The following STAT1 variants were observed in gnomAD, a reference collection of about 807,000 sequenced individuals.
STAT1 encodes signal transducer and activator of transcription 1, also known as signal transducer and activator of transcription 1-alpha/beta.
A neutral mutation model predicts 111.7 loss-of-function variants in STAT1; 24 were observed. The ratio of observed to expected loss-of-function variants is 0.21; its 90% confidence interval spans 0.16 to 0.30. The LOEUF (loss-of-function observed/expected upper bound fraction) is 0.30, where lower values mean the gene tolerates loss of function less well. STAT1 is among the 10% of genes least tolerant of loss of function. The pLI is 1.00. For synonymous variants in STAT1, 332 were observed against 326.5 expected (o/e 1.02, Z -0.18); for missense variants, 351 against 911.9 (o/e 0.38, Z 7.92).
At position 190,982,257 on chromosome 2, in the gene STAT1, T is replaced by G; in HGVS notation, c.1582+126A>C. The G allele has an allele frequency of 8.9e-7, 1 of 1,126,164 alleles. No homozygotes were observed. Among genetic ancestry groups the G allele is most frequent in the Non-Finnish European group, 1.3e-6 (1 of 750,992 alleles). The allele number at this position is 1,126,164 out of a possible 1,614,324, so 69.8% of individuals were successfully genotyped here. On this transcript the variant is annotated intron_variant, in intron 18 of 24. Transcript: ENST00000361099. This position sits in a 1 kb window ranked among gnomAD's most constrained non-coding sequence, Gnocchi z 7.3. ...TCACTTAGCTATAATAAACTATAGCTTGAAAAGCTGACAGATTTTAGTACT... is the reference window on the plus strand; with the variant it reads ...TCACTTAGCTATAATAAACTATAGCGTGAAAAGCTGACAGATTTTAGTACT...
At position 190,998,405 on chromosome 2, in the gene STAT1, G is replaced by T; in HGVS notation, c.542-97C>A. ...TTAGGATAAATATGACACAAATGCT[G>T]CCTAGTGACAGGTCAAAGTTTGGCT... On this transcript the variant is annotated intron_variant, in intron 7 of 24. Coordinates refer to ENST00000361099, the MANE Select transcript of STAT1 (RefSeq NM_007315.4). The surrounding 1 kb of genome is among the most constrained non-coding windows in gnomAD (Gnocchi z 4.1). 2 of 1,008,662 alleles carry T rather than the reference G, an allele frequency of 2.0e-6. No homozygotes were observed. The highest frequency in any genetic ancestry group is 2.4e-5 in the East Asian group (1 of 41,794). 62.5% of individuals were successfully genotyped at this position (1,008,662 alleles called of 1,614,324 possible).
rs1694582491 is a variant in STAT1, at chr2:191,005,132, GAACT to G, written c.372+2427_372+2430del. On this transcript the variant is annotated intron_variant, in intron 5 of 24. Coordinates refer to ENST00000361099, the MANE Select transcript of STAT1 (RefSeq NM_007315.4). ...GAATTTTGTGGTCTCTAAATGATCT[GAACT>G]AACTCGGAATTTTGCATGTTTTTAA... 2.6e-5 allele frequency among the ~76,000 whole-genome samples: 4 copies of G among 152,226 alleles called. 1 individual carries two copies. The highest frequency in any genetic ancestry group is 4.1e-4 in the South Asian group (2 of 4,820).
At position 191,007,779 on chromosome 2, in the gene STAT1, T is replaced by G. The variant is rs1694818089; in HGVS notation, c.274-118A>C. 1 of 744,920 alleles carries G rather than the reference T, an allele frequency of 1.3e-6. No individual in the cohort carries two copies. Among genetic ancestry groups the G allele is most frequent in the Non-Finnish European group, 2.3e-6 (1 of 431,112 alleles). 46.1% of individuals were successfully genotyped at this position (744,920 alleles called of 1,614,324 possible). A position where few individuals can be genotyped will look rare whatever the true frequency, so the allele number is the denominator to read the frequency against. ...CCGGGAAACCTCATCTCTCATCTATTAAATTCTATATAAGCTATGTTTGTT... is the reference window on the plus strand; with the variant it reads ...CCGGGAAACCTCATCTCTCATCTATGAAATTCTATATAAGCTATGTTTGTT... On this transcript the variant is annotated intron_variant, in intron 4 of 24. Coordinates refer to ENST00000361099, the MANE Select transcript of STAT1 (RefSeq NM_007315.4). The surrounding 1 kb of genome is among the most constrained non-coding windows in gnomAD (Gnocchi z 4.2).
chr2:191,008,850 A>G, intron 4 of STAT1, 113 bp downstream of exon 4: 2 of 1,148,830 alleles, frequency 1.7e-6, no homozygotes, highest in East Asian at 2.6e-5. Context: ...GTTAGTCTCT[A>G]TTACTTCTCT....
rs45527832 is a variant in STAT1, at chr2:190,987,081, T to C, written c.1098-13A>G. On this transcript the variant is annotated splice_polypyrimidine_tract_variant and intron_variant, in intron 12 of 24. Transcript: ENST00000361099. This position sits in a 1 kb window ranked among gnomAD's most constrained non-coding sequence, Gnocchi z 4.0. The stretch of plus-strand genomic sequence containing the variant: ...CTCATTCACATCTCTGCAAAAAAAA[T>C]ATATATAATCACATATGCGTATTTA... 1 of 1,586,878 alleles carries C rather than the reference T, an allele frequency of 6.3e-7. No individual in the cohort carries two copies. The highest frequency in any genetic ancestry group is 8.6e-7 in the Non-Finnish European group (1 of 1,157,048).
At chr2:190,985,430 T>A (rs1692727536) in intron 15 of STAT1, among the ~76,000 whole-genome samples, 189 bp downstream of exon 15, 1 of 152,250 alleles carries the variant, frequency 6.6e-6, no homozygotes, top group Non-Finnish European at 1.5e-5. Flanking sequence ...CAAAATCGTT[T>A]GACAATAGTA....
Position 190,994,940 on chromosome 2 carries a change from A to G in STAT1, c.944+121T>C, listed in dbSNP as rs1301113268. ...AAAAAAAAAAAAAATATATATATAT[A>G]TATATATATATATATATAAAAAACA... On this transcript the variant is annotated intron_variant, in intron 10 of 24. Transcript: ENST00000361099. 4.4e-5 allele frequency: 9 copies of G among 202,908 alleles called. 2 individuals carry two copies. The highest frequency in any genetic ancestry group is 7.0e-5 in the Non-Finnish European group (8 of 114,712). The allele number at this position is 202,908 out of a possible 1,614,324, so 12.6% of individuals were successfully genotyped here. A position where few individuals can be genotyped will look rare whatever the true frequency, so the allele number is the denominator to read the frequency against.
In STAT1 at chr2:191,012,782, G is replaced by C. The variant is rs1695237658; in HGVS notation, c.-2+743C>G. ...TTTTTCAACTGTGCCCAACATTTCT[G>C]CTTTGCTCCAGCTACTCGCCCTTGG... On this transcript the variant is annotated intron_variant, in intron 2 of 24. Transcript: ENST00000361099. The surrounding 1 kb of genome is among the most constrained non-coding windows in gnomAD (Gnocchi z 4.0). Among the ~76,000 whole-genome samples the C allele has an allele frequency of 6.6e-6, 1 of 152,180 alleles. No homozygotes were observed. Among genetic ancestry groups the C allele is most frequent in the Non-Finnish European group, 1.5e-5 (1 of 68,042 alleles).
intron 2 of STAT1, among the ~76,000 whole-genome samples, chr2:191,013,102 T>C (rs533019673): frequency 2.0e-5 from 3 of 152,218 alleles, no homozygotes; most frequent in Non-Finnish European, 4.4e-5. Flanking sequence ...GCATATACTA[T>C]GTGCTCGAAA....
At position 190,996,492 on chromosome 2, in the gene STAT1, G is replaced by C. The variant is rs1420711455; in HGVS notation, c.786-1273C>G. Among the ~76,000 whole-genome samples the C allele has an allele frequency of 6.6e-6, 1 of 152,172 alleles. No individual in the cohort carries two copies. The highest frequency in any genetic ancestry group is 1.5e-5 in the Non-Finnish European group (1 of 68,034). On this transcript the variant is annotated intron_variant, in intron 9 of 24. Coordinates refer to ENST00000361099, the MANE Select transcript of STAT1 (RefSeq NM_007315.4). This position sits in a 1 kb window ranked among gnomAD's most constrained non-coding sequence, Gnocchi z 4.5. ...AAATGACAGCACAGTGGGAAAACTA[G>C]AGGGCATGTGTGTCCCTACAAGAGG...
chr2:191,013,467 A>G (rs931496968), intron 2 of STAT1, 58 bp downstream of exon 2: 1 of 395,680 alleles, frequency 2.5e-6, no homozygotes, highest in Non-Finnish European at 4.4e-6. Context: ...ACATAGAAAC[A>G]TAATTAAGAT....
rs1450711089 is a variant in STAT1 at position 190,999,077 on chromosome 2, T to G, written c.541+549A>C. Among the ~76,000 whole-genome samples, 2 of 152,174 alleles carry G rather than the reference T, an allele frequency of 1.3e-5. No individual in the cohort carries two copies. The highest frequency in any genetic ancestry group is 2.9e-5 in the Non-Finnish European group (2 of 68,032). Reference sequence around the variant, plus strand: ...TTCTTGAGATCTTTTCTGTTGCTACTCTCATTAAAAACACGCAACAGTAAG... The same window carrying G: ...TTCTTGAGATCTTTTCTGTTGCTACGCTCATTAAAAACACGCAACAGTAAG... On this transcript the variant is annotated intron_variant, in intron 7 of 24. Coordinates refer to ENST00000361099, the MANE Select transcript of STAT1 (RefSeq NM_007315.4). This position sits in a 1 kb window ranked among gnomAD's most constrained non-coding sequence, Gnocchi z 4.1.
rs374162904 is a variant in STAT1 at position 190,979,724 on chromosome 2, C to T, written c.1727+48G>A. On this transcript the variant is annotated intron_variant, in intron 20 of 24. Transcript: ENST00000361099. The surrounding 1 kb of genome is among the most constrained non-coding windows in gnomAD (Gnocchi z 5.8). ...CTGGACTCAGGCCTTGTCTCAACCT[C>T]GCAGCACTAAAAATATGTTTCAAAA... 19 of 1,466,708 alleles carry T rather than the reference C, an allele frequency of 1.3e-5. No homozygotes were observed. Among genetic ancestry groups the T allele is most frequent in the African/African-American group, 2.8e-5 (2 of 71,978 alleles). The allele number at this position is 1,466,708 out of a possible 1,614,324, so 90.9% of individuals were successfully genotyped here.
chr2:190,992,979 G>T, intron 10 of STAT1: 1 of 251,636 alleles, frequency 4.0e-6, no homozygotes, highest in Non-Finnish European at 7.6e-6. Context: ...TAGTAGGGAT[G>T]GGGTTTCATC....
At position 190,996,284 on chromosome 2, in the gene STAT1, AC is replaced by A. The variant is rs1036423299; in HGVS notation, c.786-1066del. Among the ~76,000 whole-genome samples the A allele has an allele frequency of 6.6e-6, 1 of 152,160 alleles. No individual in the cohort carries two copies. The highest frequency in any genetic ancestry group is 6.5e-5 in the Admixed American group (1 of 15,282). On this transcript the variant is annotated intron_variant, in intron 9 of 24. Transcript: ENST00000361099. This position sits in a 1 kb window ranked among gnomAD's most constrained non-coding sequence, Gnocchi z 4.5. ...TCACTTGCAGTAATGACAGAAGAAA[AC>A]CTTTTAAAAGTGTCTTCTTCCCTGG...
Position 190,982,625 on chromosome 2 carries a change from A to G in STAT1, c.1447-107T>C, listed in dbSNP as rs1692476550. 1.6e-6 allele frequency: 2 copies of G among 1,235,394 alleles called. No homozygotes were observed. The highest frequency in any genetic ancestry group is 3.6e-5 in the Admixed American group (2 of 56,002). The allele number at this position is 1,235,394 out of a possible 1,614,324, so 76.5% of individuals were successfully genotyped here. A position where few individuals can be genotyped will look rare whatever the true frequency, so the allele number is the denominator to read the frequency against. On this transcript the variant is annotated intron_variant, in intron 17 of 24. Coordinates refer to ENST00000361099, the MANE Select transcript of STAT1 (RefSeq NM_007315.4). The surrounding 1 kb of genome is among the most constrained non-coding windows in gnomAD (Gnocchi z 7.3). ...AAAGTTCAATTCTAGTTTATATGACACACAGGTGCTTTCACAGTAGGGGAA... is the reference window on the plus strand; with the variant it reads ...AAAGTTCAATTCTAGTTTATATGACGCACAGGTGCTTTCACAGTAGGGGAA...
chr2:190,978,622 G>T lies in STAT1; in HGVS notation c.1873+234C>A, dbSNP rs1692095979. The T allele has an allele frequency of 3.4e-6, 2 of 596,080 alleles. No homozygotes were observed. The highest frequency in any genetic ancestry group is 1.9e-5 in the South Asian group (1 of 53,316). The allele number at this position is 596,080 out of a possible 1,614,324, so 36.9% of individuals were successfully genotyped here. A position where few individuals can be genotyped will look rare whatever the true frequency, so the allele number is the denominator to read the frequency against. ...GATAACAAACCTGATGCAAAGGAAA[G>T]AATTGGCATTGTCTTTTCAAAACCA... is the stretch of plus-strand genomic sequence containing the variant. On this transcript the variant is annotated intron_variant, in intron 21 of 24. Coordinates refer to ENST00000361099, the MANE Select transcript of STAT1 (RefSeq NM_007315.4). The surrounding 1 kb of genome is among the most constrained non-coding windows in gnomAD (Gnocchi z 6.1).
Position 190,982,290 on chromosome 2 carries a change from C to A in STAT1, c.1582+93G>T. The A allele has an allele frequency of 6.7e-7, 1 of 1,494,476 alleles. No individual in the cohort carries two copies. Among genetic ancestry groups the A allele is most frequent in the Non-Finnish European group, 9.3e-7 (1 of 1,076,934 alleles). The allele number at this position is 1,494,476 out of a possible 1,614,324, so 92.6% of individuals were successfully genotyped here. A position where few individuals can be genotyped will look rare whatever the true frequency, so the allele number is the denominator to read the frequency against. On this transcript the variant is annotated intron_variant, in intron 18 of 24. Transcript: ENST00000361099. This position sits in a 1 kb window ranked among gnomAD's most constrained non-coding sequence, Gnocchi z 7.3. ...CTGACAGATTTTAGTACTTTTTTAC[C>A]TTTAACAAAATAGCAGAGGGGAAAA...
rs1426919490 is a variant in STAT1 at position 191,006,616 on chromosome 2, C to T, written c.372+947G>A. 2.0e-5 allele frequency among the ~76,000 whole-genome samples: 3 copies of T among 152,140 alleles called. No homozygotes were observed. Among genetic ancestry groups the T allele is most frequent in the Non-Finnish European group, 4.4e-5 (3 of 68,026 alleles). On this transcript the variant is annotated intron_variant, in intron 5 of 24. Transcript: ENST00000361099. The surrounding 1 kb of genome is among the most constrained non-coding windows in gnomAD (Gnocchi z 4.6). ...GGATGCATACTGTGTCCTCTGGCAT[C>T]CATATAGCAATGGGCTCCTCCAGAA...
Sources: gnomAD v4.1 joint callset for allele counts (sites outside exome capture counted in the v4.1 genomes callset) on GRCh38, gnomAD v4.1.1 for gene constraint, Gnocchi (gnomAD v3.1) non-coding constraint, MANE v1.5 for transcripts, NCBI Gene and HGNC (gene_info 2026-07-23, HGNC 2026-07-21) for gene names.